PLCH1: variants seen among roughly 807,000 people sequenced by gnomAD.
PLCH1 encodes the protein 1-phosphatidylinositol 4,5-bisphosphate phosphodiesterase eta-1.
Under a neutral mutation model 126.7 loss-of-function variants are expected in PLCH1, and 60 were observed. The ratio of observed to expected loss-of-function variants is 0.47; its 90% confidence interval spans 0.38 to 0.59. The LOEUF is 0.59. PLCH1 is among the 20% of genes least tolerant of loss of function. PLCH1 has a pLI of 0.00. For missense variants in PLCH1, 1,723 were observed against 2,040.0 expected (o/e 0.84, Z 2.99); for synonymous variants, 719 against 734.9 (o/e 0.98, Z 0.35).
At chr3:155,522,963 C>CCGGGG (rs1553811061) in intron 11 of PLCH1, among the ~76,000 whole-genome samples, 6 of 42,810 alleles carry the variant, frequency 1.4e-4, no homozygotes, top group African/African-American at 3.7e-4. Flanking sequence ...TCTTTTTTTG[C>CCGGGG]GGGGGGGGTG....
chr3:155,498,167 A>G (rs922341760), intron 14 of PLCH1, among the ~76,000 whole-genome samples: 1 of 152,106 alleles, frequency 6.6e-6, no homozygotes, highest in Non-Finnish European at 1.5e-5. Flanking sequence ...CTGACTGTGG[A>G]GTGGAGGTTT....
rs1178799599 is a variant in PLCH1, at chr3:155,554,151, C to A, written c.1115G>T (p.Gly372Val). 1.2e-6 allele frequency: 2 copies of A among 1,613,712 alleles called. No individual in the cohort carries two copies. The highest frequency in any genetic ancestry group is 1.7e-6 in the Non-Finnish European group (2 of 1,179,664). The change falls in exon 9 of 23, where the codon GGT (glycine) becomes GTT (valine). Residue 372 changes from glycine (G) to valine (V), a missense_variant. By Grantham distance (109) the Gly-to-Val change is moderately radical. Transcript: ENST00000460012. ...GAGAATTTTTGAAGTGAGAGTGTAA[C>A]CATGATGTACTACTGGCTCTCCATC... is the stretch of plus-strand genomic sequence containing the variant. ...GPDGEPVVHH[G>V]YTLTSKILFR... is the part of the protein sequence containing the mutation.
chr3:155,631,472 G>A (rs1738013083), intron 2 of PLCH1, among the ~76,000 whole-genome samples: 1 of 152,096 alleles, frequency 6.6e-6, no homozygotes, highest in Non-Finnish European at 1.5e-5. Flanking sequence ...TCCCAGACGT[G>A]GGTCACTACA....
intron 2 of PLCH1, among the ~76,000 whole-genome samples, chr3:155,627,356 T>G (rs1300181387): frequency 6.6e-6 from 1 of 152,122 alleles, no homozygotes; most frequent in Non-Finnish European, 1.5e-5. Context: ...GTAGGCCAGG[T>G]GTGGTGGCTC....
chr3:155,506,345 C>CT (rs57746252), intron 12 of PLCH1, among the ~76,000 whole-genome samples: 4,127 of 130,668 alleles, frequency 0.032, 124 homozygotes, highest in African/African-American at 0.084. Context: ...TTCTCACTCT[C>CT]TTTTTTTTTT....
At chr3:155,548,763 AC>A (rs1355906876) in intron 10 of PLCH1, among the ~76,000 whole-genome samples, 1 of 152,200 alleles carries the variant, frequency 6.6e-6, no homozygotes, top group African/African-American at 2.4e-5. Flanking sequence ...TATTCAAAAT[AC>A]CTTTATGCAT....
intron 1 of PLCH1, among the ~76,000 whole-genome samples, chr3:155,721,164 T>C (rs1270106138): frequency 1.3e-5 from 2 of 152,240 alleles, no homozygotes; most frequent in African/African-American, 4.8e-5. Flanking sequence ...CCTCCAGATT[T>C]GTTCTTTTTG....
intron 2 of PLCH1, among the ~76,000 whole-genome samples, chr3:155,635,826 A>G (rs1337835094): frequency 6.6e-6 from 1 of 152,244 alleles, no homozygotes; most frequent in Non-Finnish European, 1.5e-5. Context: ...GAATGATTGC[A>G]AATTACTGTT....
At chr3:155,639,609 CTG>C (rs1458360874) in intron 2 of PLCH1, among the ~76,000 whole-genome samples, 1 of 152,192 alleles carries the variant, frequency 6.6e-6, no homozygotes, top group Admixed American at 6.5e-5. Flanking sequence ...AAAAGGTTGA[CTG>C]TGTTTTCTTC....
intron 20 of PLCH1, 116 bp from the exon 21 acceptor site, chr3:155,488,223 A>C: frequency 1.5e-6 from 1 of 659,680 alleles, no homozygotes; most frequent in African/African-American, 1.8e-5. Context: ...TTTGAGACAG[A>C]GTGTTGCTCT....
chr3:155,488,122 G>C lies in PLCH1; in HGVS notation c.2540-15C>G. 1.3e-6 allele frequency: 2 copies of C among 1,566,756 alleles called. No individual in the cohort carries two copies. The highest frequency in any genetic ancestry group is 1.8e-6 in the Non-Finnish European group (2 of 1,136,992). ...ATGCCGGTAGCCTGATAAAAGGAAA[G>C]AGAGTCGTTTCTTTTTAGTTGAACT... On this transcript the variant is annotated splice_polypyrimidine_tract_variant and intron_variant, in intron 20 of 22. Transcript: ENST00000460012.
intron 1 of PLCH1, among the ~76,000 whole-genome samples, chr3:155,706,781 A>C (rs1746707510): frequency 6.6e-6 from 1 of 152,134 alleles, no homozygotes; most frequent in Non-Finnish European, 1.5e-5. Flanking sequence ...CACAAGAAGG[A>C]TACCACTTCT....
chr3:155,593,461 TAGAAAG>T (rs1461596518), intron 4 of PLCH1, among the ~76,000 whole-genome samples: 2 of 152,282 alleles, frequency 1.3e-5, no homozygotes, highest in East Asian at 1.9e-4. Context: ...AACTGTAAGT[TAGAAAG>T]AGAAAAAGCA....
intron 1 of PLCH1, among the ~76,000 whole-genome samples, chr3:155,722,174 T>A (rs1231671195): frequency 1.3e-5 from 2 of 152,114 alleles, no homozygotes; most frequent in Non-Finnish European, 2.9e-5. Flanking sequence ...CTTTTTTTTT[T>A]CTTTTTGAGA....
chr3:155,691,837 T>C (rs997383746), intron 2 of PLCH1, among the ~76,000 whole-genome samples: 6 of 152,178 alleles, frequency 3.9e-5, no homozygotes, highest in African/African-American at 1.4e-4. Context: ...AACAAAACAC[T>C]ATTAATATGT....
At chr3:155,545,865 G>A (rs775976333) in intron 10 of PLCH1, among the ~76,000 whole-genome samples, 14 of 152,048 alleles carry the variant, frequency 9.2e-5, no homozygotes, top group Admixed American at 2.0e-4. Flanking sequence ...TCTCAATAAA[G>A]TAGGTATTGA....
rs1292827471 is a variant in PLCH1, at chr3:155,469,502, G to C, written c.2938+15854C>G. ...AAGGCGGCAGCGAGGCTGGGGGAGG[G>C]GCGCCCGCCATTGCCCAGGCTTGCT... On this transcript the variant is annotated intron_variant, in intron 21 of 21. Coordinates refer to the PLCH1 transcript ENST00000494598. 4.6e-5 allele frequency among the ~76,000 whole-genome samples: 7 copies of C among 151,962 alleles called. No individual in the cohort carries two copies. The South Asian group carries it at 6.2e-4, about 14-fold the overall frequency.
At chr3:155,652,476 G>T (rs936889766) in intron 2 of PLCH1, among the ~76,000 whole-genome samples, 4 of 152,042 alleles carry the variant, frequency 2.6e-5, no homozygotes, top group Admixed American at 1.3e-4. Flanking sequence ...TTTCTGTTTT[G>T]TTTTTTTGCG....
chr3:155,693,664 T>C (rs546793444), intron 2 of PLCH1, among the ~76,000 whole-genome samples: 1 of 152,332 alleles, frequency 6.6e-6, no homozygotes, highest in Non-Finnish European at 1.5e-5. Flanking sequence ...ATGTGGTGGC[T>C]CATGCCTGTA....
Sources: allele counts gnomAD v4.1 joint callset (sites outside exome capture counted in the v4.1 genomes callset), GRCh38; gene constraint gnomAD v4.1.1; transcripts MANE v1.5; gene names NCBI Gene and HGNC (gene_info 2026-07-23, HGNC 2026-07-21).